Variants in EHD3 observed in about 807,000 individuals in gnomAD.
The protein encoded by EHD3 is EH domain containing 3, also known as EH domain-containing protein 3.
A neutral mutation model predicts 43.0 loss-of-function variants in EHD3; 17 were observed. The observed-to-expected ratio is 0.40, with a 90% CI of 0.27 to 0.59. EHD3 has a LOEUF of 0.59. EHD3 is among the 20% of genes least tolerant of loss of function. The pLI, the probability that EHD3 is intolerant of heterozygous loss-of-function variation, is 0.49. For missense variants in EHD3, 594 were observed against 705.6 expected, an observed-to-expected ratio of 0.84 and a Z score of 1.79; for synonymous variants, 313 against 289.5, an observed-to-expected ratio of 1.08 and a Z score of -0.82.
chr2:31,254,453 C>T (rs1683706188), intron 3 of EHD3, among the ~76,000 whole-genome samples: 1 of 152,228 alleles, frequency 6.6e-6, no homozygotes, highest in East Asian at 1.9e-4. Flanking sequence ...CGAGTCCTGA[C>T]GCCCTTCAAA....
chr2:31,261,020 A>G, intron 4 of EHD3, 98 bp downstream of exon 4: 3 of 1,396,250 alleles, frequency 2.1e-6, no homozygotes, highest in Non-Finnish European at 2.9e-6. Context: ...CAGCCAGTGC[A>G]TCATGTGTGT....
intron 5 of EHD3, among the ~76,000 whole-genome samples, chr2:31,262,927 A>C (rs1683881749): frequency 1.3e-5 from 2 of 152,338 alleles, no homozygotes; most frequent in South Asian, 4.1e-4. Context: ...AAAATAAAAA[A>C]ATTAGGGAAT....
At chr2:31,263,919 A>G (rs1464058682) in intron 5 of EHD3, among the ~76,000 whole-genome samples, 1 of 152,236 alleles carries the variant, frequency 6.6e-6, no homozygotes, top group Non-Finnish European at 1.5e-5. Flanking sequence ...AGAGACCTGC[A>G]AAGTGGAAGA....
chr2:31,252,613 G>A lies in EHD3; in HGVS notation c.502+3145G>A, dbSNP rs889598100. 5.3e-5 allele frequency among the ~76,000 whole-genome samples: 8 copies of A among 152,028 alleles called. No homozygotes were observed. The South Asian group carries it at 6.2e-4, about 12-fold the overall frequency. On this transcript the variant is annotated intron_variant, in intron 3 of 5. Transcript: ENST00000322054. ...CCTCAGCCTCCTGAGTAGCTGGGAC[G>A]ACAGGCATGCGCCACCACACCCAGC...
rs780053295 is a variant in EHD3 at position 31,244,297 on chromosome 2, C to G, written c.251C>G (p.Pro84Arg). Residue 84 changes from proline (P) to arginine (R), a missense_variant, in exon 2 of 6, where the codon CCA becomes CGA. Physicochemically the swap from Pro to Arg is moderately radical, Grantham distance 103 (BLOSUM62 -2). Coordinates refer to ENST00000322054, the MANE Select transcript of EHD3 (RefSeq NM_014600.3). The stretch of plus-strand genomic sequence containing the variant: ...AGGTACCTGCTGGAACAGGACTTCC[C>G]AGGCATGAGGATTGGGCCTGAGCCC... ...FIRYLLEQDF[P>R]GMRIGPEPTT... 21 of 1,613,776 alleles carry G rather than the reference C, an allele frequency of 1.3e-5. No individual in the cohort carries two copies. The highest frequency in any genetic ancestry group is 1.8e-5 in the Non-Finnish European group (21 of 1,179,840).
chr2:31,268,293 T>A lies in EHD3; in HGVS notation c.*1589T>A, dbSNP rs536745064. 4 of 152,816 alleles carry A rather than the reference T, an allele frequency of 2.6e-5. No homozygotes were observed. The South Asian group carries it at 8.3e-4, about 32-fold the overall frequency. The allele number at this position is 152,816 out of a possible 1,614,324, so 9.5% of individuals were successfully genotyped here. A position where few individuals can be genotyped will look rare whatever the true frequency, so the allele number is the denominator to read the frequency against. ...AGTATAACTTATTTTATATCCATAT[T>A]CAGACTATATAGAGAATATTCTATG... On this transcript the variant is annotated 3_prime_UTR_variant, in exon 6 of 6. Coordinates refer to ENST00000322054, the MANE Select transcript of EHD3 (RefSeq NM_014600.3).
At chr2:31,259,196 C>T (rs1454772621) in intron 3 of EHD3, among the ~76,000 whole-genome samples, 2 of 152,172 alleles carry the variant, frequency 1.3e-5, no homozygotes, top group Non-Finnish European at 2.9e-5. Flanking sequence ...CAGAGGTATG[C>T]CACGGGGGAG....
At chr2:31,234,894 C>T (rs1179850924) in intron 1 of EHD3, 46 bp downstream of exon 1, 1 of 1,584,288 alleles carries the variant, frequency 6.3e-7, no homozygotes, top group Admixed American at 1.7e-5. Context: ...AGCCCAGCGC[C>T]TAGTCCCTCC....
rs78247252 is a variant in EHD3 at position 31,265,538 on chromosome 2, A to T, written c.1081-639A>T. Among the ~76,000 whole-genome samples, 652 of 152,192 alleles carry T rather than the reference A, an allele frequency of 4.3e-3. 13 individuals are homozygous for T. The East Asian group carries it at 0.061, about 14-fold the overall frequency. On this transcript the variant is annotated intron_variant, in intron 5 of 5. Coordinates refer to ENST00000322054, the MANE Select transcript of EHD3 (RefSeq NM_014600.3). ...GTATTTTGAAAACTCTCCTCAGGTG[A>T]CTCCGATGAGCATCCTGATTAAGAA...
chr2:31,247,139 C>T (rs1683538332), intron 2 of EHD3, among the ~76,000 whole-genome samples: 3 of 152,132 alleles, frequency 2.0e-5, no homozygotes, highest in Admixed American at 6.5e-5. Flanking sequence ...TCAAGTGATC[C>T]GCCCACCTTG....
intron 2 of EHD3, 21 bp downstream of exon 2, chr2:31,244,471 A>G (rs990977651): frequency 2.5e-6 from 4 of 1,609,214 alleles, no homozygotes; most frequent in Non-Finnish European, 3.4e-6. Flanking sequence ...AGGGAACACA[A>G]CACTTTCAGG....
intron 2 of EHD3, among the ~76,000 whole-genome samples, chr2:31,245,735 G>GTGT (rs1553402745): frequency 1.5e-5 from 1 of 68,320 alleles, no homozygotes; most frequent in African/African-American, 5.9e-5. Flanking sequence ...CTAATTTTGT[G>GTGT]TTTTTTTTTT....
chr2:31,266,033 A>G lies in EHD3; in HGVS notation c.1081-144A>G, dbSNP rs1301074173. On this transcript the variant is annotated intron_variant, in intron 5 of 5. Coordinates refer to ENST00000322054, the MANE Select transcript of EHD3 (RefSeq NM_014600.3). The surrounding 1 kb of genome is among the most constrained non-coding windows in gnomAD (Gnocchi z 5.1). The stretch of plus-strand genomic sequence containing the variant: ...TACCTTCGATTACCACGTGATGTCC[A>G]TCAGCTGAGCCTCTAGGTCACAGGT... The G allele has an allele frequency of 8.5e-6, 9 of 1,059,500 alleles. No homozygotes were observed. In the South Asian group the frequency reaches 1.6e-4, roughly 18 times the overall value. 65.6% of individuals were successfully genotyped at this position (1,059,500 alleles called of 1,614,324 possible). A position where few individuals can be genotyped will look rare whatever the true frequency, so the allele number is the denominator to read the frequency against.
chr2:31,258,335 C>T (rs1315714080), intron 3 of EHD3, among the ~76,000 whole-genome samples: 1 of 152,158 alleles, frequency 6.6e-6, no homozygotes, highest in Admixed American at 6.5e-5. Context: ...CCCCTACCCC[C>T]TGTGGCAGTG....
chr2:31,258,181 G>A (rs1001532699), intron 3 of EHD3, among the ~76,000 whole-genome samples: 1 of 152,142 alleles, frequency 6.6e-6, no homozygotes, highest in Admixed American at 6.5e-5. Flanking sequence ...GCTGAAAATG[G>A]AGTAGTACTG....
intron 5 of EHD3, among the ~76,000 whole-genome samples, chr2:31,265,282 T>C (rs921010845): frequency 1.3e-5 from 2 of 152,222 alleles, no homozygotes; most frequent in African/African-American, 4.8e-5. Context: ...GTTATCATTA[T>C]CCGGTATTAT....
At chr2:31,239,508 A>G (rs13428625) in intron 1 of EHD3, among the ~76,000 whole-genome samples, 7,723 of 152,268 alleles carry the variant, frequency 0.051, 362 homozygotes, top group African/African-American at 0.12. Flanking sequence ...GTCATCAGGC[A>G]AAACATTTAC....
intron 1 of EHD3, among the ~76,000 whole-genome samples, chr2:31,238,110 G>A (rs1041416125): frequency 4.4e-4 from 67 of 152,242 alleles, no homozygotes; most frequent in African/African-American, 1.6e-3. Context: ...TTTGTACTAA[G>A]AGTCATATTT....
intron 1 of EHD3, among the ~76,000 whole-genome samples, chr2:31,238,004 G>T (rs1683354133): frequency 6.6e-6 from 1 of 151,464 alleles, no homozygotes; most frequent in African/African-American, 2.4e-5. Flanking sequence ...TTTTTTGTTT[G>T]TTTTTGTTTT....
Sources: allele counts gnomAD v4.1 joint callset (sites outside exome capture counted in the v4.1 genomes callset), GRCh38; gene constraint gnomAD v4.1.1; non-coding constraint Gnocchi (gnomAD v3.1); transcripts MANE v1.5; gene names NCBI Gene and HGNC (gene_info 2026-07-23, HGNC 2026-07-21).